Variants in NAALAD2 observed in about 807,000 individuals in gnomAD.
NAALAD2 encodes the protein N-acetylated alpha-linked acidic dipeptidase 2, also known as N-acetylated-alpha-linked acidic dipeptidase 2.
NAALAD2 carries 89 observed loss-of-function variants against 95.6 expected under a neutral mutation model. That is an observed-to-expected ratio of 0.93 (90% CI 0.78 to 1.11). The LOEUF (loss-of-function observed/expected upper bound fraction) is 1.11, where lower values mean the gene tolerates loss of function less well. NAALAD2 is among the 50% of genes least tolerant of loss of function. NAALAD2 has a pLI of 0.00. For synonymous variants in NAALAD2, 264 were observed against 294.4 expected, an observed-to-expected ratio of 0.90 and a Z score of 1.06; for missense variants, 894 against 872.4, an observed-to-expected ratio of 1.02 and a Z score of -0.31.
At chr11:90,137,277 G>T (rs910968476) in intron 2 of NAALAD2, among the ~76,000 whole-genome samples, 1 of 151,920 alleles carries the variant, frequency 6.6e-6, no homozygotes, top group African/African-American at 2.4e-5. Context: ...TAGATAGAAG[G>T]AATAAGATCT....
intron 17 of NAALAD2, among the ~76,000 whole-genome samples, chr11:90,182,207 C>G (rs1952993678): frequency 6.6e-6 from 1 of 152,048 alleles, no homozygotes; most frequent in Non-Finnish European, 1.5e-5. Flanking sequence ...TTTCTTGCCA[C>G]TTTCACATTG....
chr11:90,181,696 T>G lies in NAALAD2; in HGVS notation c.1935T>G (p.Leu645=), dbSNP rs571287524. Residue 645 remains leucine (L), a synonymous_variant, in exon 17 of 19, where the codon CTT becomes CTG. Coordinates refer to ENST00000534061, the MANE Select transcript of NAALAD2 (RefSeq NM_005467.4). ...ATAAACGACTTATACAAGTTGATCT[T>G]AACAAGTAAGTTTCAAATCCCTTTT... ...DFHKRLIQVD[L]NNPIAVRMMN... 6.4e-7 allele frequency: 1 copy of G among 1,569,308 alleles called. No homozygotes were observed. The highest frequency in any genetic ancestry group is 1.2e-5 in the South Asian group (1 of 84,750).
rs1952775245 is a variant in NAALAD2, at chr11:90,175,891, T to A, written c.1503-81T>A. ...TTGCTATTCTTGGGGCAGGATTCCT[T>A]GTCCCATCTATTTAACTTTGTATCA... On this transcript the variant is annotated intron_variant, in intron 14 of 18. Coordinates refer to ENST00000534061, the MANE Select transcript of NAALAD2 (RefSeq NM_005467.4). 5.1e-6 allele frequency: 4 copies of A among 789,004 alleles called. No homozygotes were observed. In the Admixed American group the frequency reaches 6.0e-5, roughly 12 times the overall value. 48.9% of individuals were successfully genotyped at this position (789,004 alleles called of 1,614,324 possible). A position where few individuals can be genotyped will look rare whatever the true frequency, so the allele number is the denominator to read the frequency against.
chr11:90,154,838 GTATATACGTATACATAATATGTATATAT>G (rs1565521242), intron 6 of NAALAD2, among the ~76,000 whole-genome samples: 1 of 122,730 alleles, frequency 8.1e-6, no homozygotes, highest in Non-Finnish European at 1.7e-5. Flanking sequence ...ATGTTACATA[GTATATACGTATACATAATATGTATATAT>G]TATATACGTA....
chr11:90,189,639 G>A (rs1012067492), intron 18 of NAALAD2, among the ~76,000 whole-genome samples: 1 of 151,908 alleles, frequency 6.6e-6, no homozygotes, highest in African/African-American at 2.4e-5. Flanking sequence ...CGTGGTGGTA[G>A]GCACCTGTAA....
intron 2 of NAALAD2, among the ~76,000 whole-genome samples, chr11:90,137,401 G>T (rs1951477086): frequency 6.6e-6 from 1 of 150,724 alleles, no homozygotes; most frequent in Non-Finnish European, 1.5e-5. Flanking sequence ...AAATGTTTGA[G>T]GTGATAGATA....
chr11:90,191,275 C>T (rs1235347466), intron 18 of NAALAD2, among the ~76,000 whole-genome samples: 4 of 151,826 alleles, frequency 2.6e-5, no homozygotes, highest in South Asian at 2.1e-4. Context: ...GCTTACGGGA[C>T]GCTGAGCAAT....
In NAALAD2 at chr11:90,178,089, A is replaced by G. The variant is rs920429622; in HGVS notation, c.1830A>G (p.Gln610=). Residue 610 remains glutamine (Q), a synonymous_variant, in exon 16 of 19, where the codon CAA becomes CAG. Transcript: ENST00000534061. The part of the protein sequence containing the change: ...SIYNLSKKHD[Q]QLTDHGVSFD... ...ATAATCTATCTAAGAAACATGATCA[A>G]CAATTGACAGACCATGGAGTATCAT... The G allele has an allele frequency of 6.2e-7, 1 of 1,612,772 alleles. No homozygotes were observed. The highest frequency in any genetic ancestry group is 8.5e-7 in the Non-Finnish European group (1 of 1,179,640).
Position 90,182,957 on chromosome 11 carries a change from T to C in NAALAD2, c.1982T>C (p.Leu661Pro), listed in dbSNP as rs1486634184. ...VRMMNDQLMLLERAFIDPLGL... is the reference protein window; with the variant it reads ...VRMMNDQLMLPERAFIDPLGL... ...ATGATGAATGACCAACTGATGCTCCTGGAAAGAGCATTCATCGATCCTCTT... is the reference window on the plus strand; with the variant it reads ...ATGATGAATGACCAACTGATGCTCCCGGAAAGAGCATTCATCGATCCTCTT... Residue 661 changes from leucine to proline, a missense_variant, in exon 18 of 19, where the codon CTG becomes CCG. Leu to Pro is a moderately conservative substitution (Grantham distance 98). Coordinates refer to ENST00000534061, the MANE Select transcript of NAALAD2 (RefSeq NM_005467.4). 2.5e-6 allele frequency: 4 copies of C among 1,612,706 alleles called. No homozygotes were observed. Among genetic ancestry groups the C allele is most frequent in the Non-Finnish European group, 3.4e-6 (4 of 1,178,954 alleles).
At chr11:90,184,760 G>A (rs2000533) in intron 18 of NAALAD2, among the ~76,000 whole-genome samples, 14,450 of 151,904 alleles carry the variant, frequency 0.095, 1,178 homozygotes, top group East Asian at 0.28. Context: ...TTTGGTGTAA[G>A]TTTTAATGCA....
intron 6 of NAALAD2, among the ~76,000 whole-genome samples, chr11:90,155,849 A>G (rs1952098995): frequency 7.1e-6 from 1 of 141,338 alleles, no homozygotes; most frequent in South Asian, 2.1e-4. Context: ...TATATGTTAT[A>G]TATATTATAT....
intron 7 of NAALAD2, 99 bp downstream of exon 7, chr11:90,158,337 T>C (rs1565526518): frequency 1.2e-6 from 1 of 815,514 alleles, no homozygotes; most frequent in Non-Finnish European, 2.1e-6. Flanking sequence ...AAACACAAAG[T>C]TTTATAACTA....
chr11:90,162,873 A>T, intron 8 of NAALAD2, 76 bp from the exon 9 acceptor site: 1 of 813,464 alleles, frequency 1.2e-6, no homozygotes, highest in Non-Finnish European at 2.0e-6. Context: ...CTATTATGAA[A>T]ATAGTTTTTT....
Position 90,163,311 on chromosome 11 carries a change from C to T in NAALAD2, c.1077C>T (p.Asp359=), listed in dbSNP as rs765339400. 1.2e-6 allele frequency: 2 copies of T among 1,611,904 alleles called. No homozygotes were observed. The highest frequency in any genetic ancestry group is 1.7e-6 in the Non-Finnish European group (2 of 1,178,948). Residue 359 remains aspartate, a splice_region_variant and synonymous_variant, in exon 10 of 19, where the codon GAC becomes GAT. Transcript: ENST00000534061. ...VGTIRGSVEP[D]RYVILGGHRD... Reference sequence around the variant, plus strand: ...TTTCTTGAACGTATTATTTTCCAGACAGGTATGTTATTCTGGGAGGTCACC... The same window carrying T: ...TTTCTTGAACGTATTATTTTCCAGATAGGTATGTTATTCTGGGAGGTCACC...
intron 12 of NAALAD2, chr11:90,169,261 T>G (rs1952563165): frequency 3.6e-6 from 1 of 281,656 alleles, no homozygotes; most frequent in East Asian, 7.2e-5. Flanking sequence ...TTGTTTATAT[T>G]ACTACTTAAA....
intron 6 of NAALAD2, among the ~76,000 whole-genome samples, chr11:90,152,975 T>C (rs972127771): frequency 1.7e-4 from 26 of 152,144 alleles, no homozygotes; most frequent in Non-Finnish European, 1.5e-4. Flanking sequence ...ACCCATTATC[T>C]CAAAAAAGCT....
intron 2 of NAALAD2, among the ~76,000 whole-genome samples, chr11:90,138,959 GT>G (rs1463369862): frequency 1.3e-5 from 2 of 151,584 alleles, no homozygotes; most frequent in Admixed American, 6.6e-5. Flanking sequence ...TTCTGTCAGG[GT>G]TCTCTTCCGT....
Position 90,152,418 on chromosome 11 carries a change from CA to C in NAALAD2, c.731del (p.Gln244ArgfsTer6). On this transcript the variant is annotated frameshift_variant, in exon 6 of 19. Coordinates refer to ENST00000534061, the MANE Select transcript of NAALAD2 (RefSeq NM_005467.4). LOFTEE classifies it high-confidence loss of function. ...ATGGAATCTTCCTGGAACTGCAGCCCAGAGAGGAAATGTGTTAAATTTGAAT... is the reference window on the plus strand; with the variant it reads ...ATGGAATCTTCCTGGAACTGCAGCCCGAGAGGAAATGTGTTAAATTTGAAT... ...KGWNLPGTAAQRGNVLNLNGA... is the reference protein window; with the variant it reads ...KGWNLPGTAAXRGNVLNLNGA... 1 of 1,613,814 alleles carries C rather than the reference CA, an allele frequency of 6.2e-7. No individual in the cohort carries two copies. The highest frequency in any genetic ancestry group is 8.5e-7 in the Non-Finnish European group (1 of 1,179,836).
Position 90,163,538 on chromosome 11 carries a change from G to A in NAALAD2, c.1199G>A (p.Trp400Ter). The A allele has an allele frequency of 6.2e-7, 1 of 1,613,908 alleles. No individual in the cohort carries two copies. The highest frequency in any genetic ancestry group is 1.1e-5 in the South Asian group (1 of 91,068). Reference sequence around the variant, plus strand: ...CGTGTGTTAACAATTCTTACAGGCTGGAGACCTAGAAGAACTATCATTTTT... The same window carrying A: ...CGTGTGTTAACAATTCTTACAGGCTAGAGACCTAGAAGAACTATCATTTTT... ...RSFGKLMSKG[W>*]RPRRTIIFAS... The change falls in exon 11 of 19, where the codon TGG (tryptophan) becomes TAG (stop). Residue 400 changes from tryptophan to a stop codon, truncating the protein, a stop_gained. Coordinates refer to ENST00000534061, the MANE Select transcript of NAALAD2 (RefSeq NM_005467.4). LOFTEE classifies it high-confidence loss of function.
Sources: allele counts gnomAD v4.1 joint callset (sites outside exome capture counted in the v4.1 genomes callset), GRCh38; gene constraint gnomAD v4.1.1; transcripts MANE v1.5; gene names NCBI Gene and HGNC (gene_info 2026-07-23, HGNC 2026-07-21).